TUSC3: variants seen among roughly 807,000 people sequenced by gnomAD.
The protein encoded by TUSC3 is dolichyl-diphosphooligosaccharide--protein glycosyltransferase subunit TUSC3.
In TUSC3, 45 loss-of-function variants were observed where a neutral mutation model predicts 44.8. That is an observed-to-expected ratio of 1.00 (90% CI 0.79 to 1.29). The LOEUF is 1.29. TUSC3 is among the 50% of genes most tolerant of loss of function. The pLI, the probability that TUSC3 is intolerant of heterozygous loss-of-function variation, is 0.00. For missense variants in TUSC3, 519 were observed against 437.9 expected (o/e 1.19, Z -1.65); for synonymous variants, 212 against 152.9 (o/e 1.39, Z -2.85).
chr8:15,427,617 G>A (rs1034677693), intron 1 of TUSC3, among the ~76,000 whole-genome samples: 9 of 152,150 alleles, frequency 5.9e-5, no homozygotes, highest in East Asian at 1.9e-4. Flanking sequence ...TTTCATTCCC[G>A]CTGTAAAGAT....
intron 7 of TUSC3, among the ~76,000 whole-genome samples, chr8:15,742,152 A>G (rs950942476): frequency 2.0e-5 from 3 of 150,938 alleles, no homozygotes; most frequent in Non-Finnish European, 4.4e-5. Context: ...CAGGAATTTC[A>G]TAGAAATTTC....
intron 1 of TUSC3, among the ~76,000 whole-genome samples, chr8:15,477,823 T>C (rs1018765715): frequency 2.6e-5 from 4 of 152,196 alleles, no homozygotes; most frequent in Non-Finnish European, 4.4e-5. Flanking sequence ...TGGTATTGAA[T>C]AGATTATGTC....
chr8:15,850,883 G>A, the TUSC3 span, among the ~76,000 whole-genome samples: 18 of 152,254 alleles, frequency 1.2e-4, 1 homozygote, highest in East Asian at 3.1e-3. Flanking sequence ...AACCTCCTTC[G>A]AATTCCTGTT....
At chr8:15,554,260 T>C (rs1301350166) in intron 1 of TUSC3, among the ~76,000 whole-genome samples, 1 of 151,768 alleles carries the variant, frequency 6.6e-6, no homozygotes, top group African/African-American at 2.4e-5. Context: ...GGATTTAACT[T>C]TCCTAATATT....
the TUSC3 span, among the ~76,000 whole-genome samples, chr8:15,789,962 T>C: frequency 6.6e-6 from 1 of 152,060 alleles, no homozygotes; most frequent in African/African-American, 2.4e-5. Flanking sequence ...ACAGCAATGT[T>C]TATTGAACCA....
chr8:15,789,526 C>A, the TUSC3 span, among the ~76,000 whole-genome samples: 1 of 151,840 alleles, frequency 6.6e-6, no homozygotes. Flanking sequence ...CATAATGAAG[C>A]CATGAAATCT....
chr8:15,589,187 G>A (rs1381374389), intron 1 of TUSC3, among the ~76,000 whole-genome samples: 1 of 151,992 alleles, frequency 6.6e-6, no homozygotes, highest in African/African-American at 2.4e-5. Flanking sequence ...CCTTTACTTT[G>A]AGCCTATATG....
chr8:15,811,091 A>C, the TUSC3 span, among the ~76,000 whole-genome samples: 1 of 152,172 alleles, frequency 6.6e-6, no homozygotes, highest in African/African-American at 2.4e-5. Flanking sequence ...ATCATTTAGG[A>C]GACAAGGAGT....
chr8:15,431,934 T>A (rs1585785981), intron 1 of TUSC3, among the ~76,000 whole-genome samples: 1 of 134,912 alleles, frequency 7.4e-6, no homozygotes, highest in African/African-American at 2.6e-5. Flanking sequence ...TCACATTTAT[T>A]TATGTTGCAC....
intron 1 of TUSC3, among the ~76,000 whole-genome samples, chr8:15,431,064 C>A (rs762313869): frequency 1.3e-5 from 2 of 151,622 alleles, no homozygotes; most frequent in African/African-American, 2.4e-5. Flanking sequence ...GTGCCAGAAC[C>A]GTATTGTTTT....
intron 1 of TUSC3, among the ~76,000 whole-genome samples, chr8:15,447,255 G>T (rs1800118127): frequency 6.6e-6 from 1 of 152,120 alleles, no homozygotes; most frequent in African/African-American, 2.4e-5. Context: ...TCAAAATCCA[G>T]AAGTCAGTCG....
chr8:15,625,167 A>G lies in TUSC3; in HGVS notation c.308+1918A>G, dbSNP rs142653805. ...ACATTGATTGATTTTCAAATGTTGA[A>G]CTGGTCTTGCATACAGGAATGGATA... On this transcript the variant is annotated intron_variant, in intron 2 of 10. Transcript: ENST00000503731. 9.0e-4 allele frequency among the ~76,000 whole-genome samples: 137 copies of G among 152,254 alleles called. 2 individuals are homozygous for G. The East Asian group carries it at 0.025, about 27-fold the overall frequency.
chr8:15,575,851 G>A (rs573645384), intron 1 of TUSC3, among the ~76,000 whole-genome samples: 1 of 152,006 alleles, frequency 6.6e-6, no homozygotes, highest in Non-Finnish European at 1.5e-5. Context: ...AATTATACAT[G>A]TTTAGGCTTT....
intron 1 of TUSC3, among the ~76,000 whole-genome samples, chr8:15,480,308 C>G (rs79890668): frequency 2.0e-5 from 3 of 152,190 alleles, no homozygotes; most frequent in Non-Finnish European, 4.4e-5. Flanking sequence ...CACTGACATT[C>G]TTCACATAAT....
intron 1 of TUSC3, among the ~76,000 whole-genome samples, chr8:15,434,275 G>T (rs1351649143): frequency 1.3e-5 from 2 of 152,062 alleles, no homozygotes; most frequent in African/African-American, 2.4e-5. Flanking sequence ...CCTTTGACTG[G>T]TATTAACTGG....
intron 6 of TUSC3, among the ~76,000 whole-genome samples, chr8:15,692,525 C>T (rs563863477): frequency 1.3e-5 from 2 of 151,332 alleles, no homozygotes; most frequent in Non-Finnish European, 2.9e-5. Context: ...AATTTCAAAA[C>T]TTATTATTGG....
At chr8:15,825,150 T>C in the TUSC3 span, among the ~76,000 whole-genome samples, 1 of 152,150 alleles carries the variant, frequency 6.6e-6, no homozygotes, top group Non-Finnish European at 1.5e-5. Flanking sequence ...TGGGAAGTAA[T>C]GGCCAATGAC....
At chr8:15,719,980 A>G (rs893117105) in intron 6 of TUSC3, among the ~76,000 whole-genome samples, 2 of 151,980 alleles carry the variant, frequency 1.3e-5, no homozygotes, top group African/African-American at 2.4e-5. Context: ...ATGCAGTGGC[A>G]TGGTCACAGC....
chr8:15,677,199 T>A (rs1036268139), intron 6 of TUSC3, among the ~76,000 whole-genome samples: 9 of 152,054 alleles, frequency 5.9e-5, no homozygotes, highest in African/African-American at 2.2e-4. Flanking sequence ...AGGGTCTCAC[T>A]GTGTTGTCCA....
Sources: gnomAD v4.1 joint callset for allele counts (sites outside exome capture counted in the v4.1 genomes callset) on GRCh38, gnomAD v4.1.1 for gene constraint, MANE v1.5 for transcripts, NCBI Gene and HGNC (gene_info 2026-07-23, HGNC 2026-07-21) for gene names.